Variants in SHISA9 observed in about 807,000 individuals in gnomAD.
SHISA9 encodes the protein shisa family member 9.
SHISA9 carries 13 observed loss-of-function variants against 38.0 expected under a neutral mutation model. The ratio of observed to expected loss-of-function variants is 0.34; its 90% confidence interval spans 0.22 to 0.54. The LOEUF (loss-of-function observed/expected upper bound fraction) is 0.54. Ranked by LOEUF, SHISA9 falls within the 20% of genes least tolerant of loss-of-function variation. The pLI, the probability that SHISA9 is intolerant of heterozygous loss-of-function variation, is 0.91. For missense variants in SHISA9, 538 were observed against 575.8 expected (o/e 0.93, Z 0.67); for synonymous variants, 275 against 242.0 (o/e 1.14, Z -1.27).
intron 2 of SHISA9, among the ~76,000 whole-genome samples, chr16:13,081,776 C>T (rs1275431254): frequency 1.3e-5 from 2 of 150,288 alleles, no homozygotes; most frequent in East Asian, 3.9e-4. Context: ...TGCTTGAACC[C>T]GGGAGGCAGA....
chr16:12,983,912 G>A (rs564438804), intron 2 of SHISA9, among the ~76,000 whole-genome samples: 2 of 152,312 alleles, frequency 1.3e-5, no homozygotes, highest in South Asian at 4.1e-4. Context: ...ATCACCAAAT[G>A]CTATGTGATT....
chr16:13,190,518 C>T (rs1040549816), intron 2 of SHISA9, among the ~76,000 whole-genome samples: 16 of 152,330 alleles, frequency 1.1e-4, no homozygotes, highest in East Asian at 1.9e-4. Context: ...TTGCAGAATA[C>T]AGATGAGCAA....
chr16:13,435,530 G>C, the SHISA9 span, among the ~76,000 whole-genome samples: 1 of 152,288 alleles, frequency 6.6e-6, no homozygotes, highest in East Asian at 1.9e-4. Flanking sequence ...ACTGGAAAAG[G>C]CACTTTTCAA....
chr16:13,011,420 C>T lies in SHISA9; in HGVS notation c.691+94605C>T, dbSNP rs185227164. On this transcript the variant is annotated intron_variant, in intron 2 of 4. Transcript: ENST00000558583. ...GTAACCACAGTTCTCATGTTTAGAT[C>T]TCTAGACTTGCTCATCCTACATATC... Among the ~76,000 whole-genome samples the T allele has an allele frequency of 3.6e-3, 529 of 147,720 alleles. 5 individuals are homozygous for T. The highest frequency in any genetic ancestry group is 0.012 in the African/African-American group (493 of 40,236).
At chr16:13,083,800 G>A (rs2073680788) in intron 2 of SHISA9, among the ~76,000 whole-genome samples, 1 of 152,166 alleles carries the variant, frequency 6.6e-6, no homozygotes, top group South Asian at 2.1e-4. Context: ...CATAGACGAA[G>A]GTGGCTGTGA....
intron 4 of SHISA9, among the ~76,000 whole-genome samples, chr16:13,224,162 T>C (rs2051256501): frequency 6.6e-6 from 1 of 152,212 alleles, no homozygotes; most frequent in Non-Finnish European, 1.5e-5. Flanking sequence ...ATTACTCAGT[T>C]TGCCATTGAC....
the SHISA9 span, among the ~76,000 whole-genome samples, chr16:13,533,886 C>T: frequency 6.6e-6 from 1 of 150,836 alleles, no homozygotes; most frequent in East Asian, 2.0e-4. Context: ...CAGGTTCACA[C>T]CATTCTCCTG....
At chr16:12,938,549 G>A (rs2071565284) in intron 2 of SHISA9, among the ~76,000 whole-genome samples, 1 of 152,030 alleles carries the variant, frequency 6.6e-6, no homozygotes, top group South Asian at 2.1e-4. Context: ...CCAGGTTGGA[G>A]TGCAATGGCA....
At chr16:13,328,293 A>G in the SHISA9 span, among the ~76,000 whole-genome samples, 4 of 151,880 alleles carry the variant, frequency 2.6e-5, no homozygotes, top group Non-Finnish European at 5.9e-5. Flanking sequence ...GTTAGAGTCT[A>G]TTTTCGCCCT....
the SHISA9 span, among the ~76,000 whole-genome samples, chr16:13,395,396 G>C: frequency 6.6e-6 from 1 of 152,254 alleles, no homozygotes; most frequent in African/African-American, 2.4e-5. Flanking sequence ...CATAGGGCAA[G>C]AGTCTATGCA....
chr16:13,199,203 A>G (rs981867254), intron 2 of SHISA9, among the ~76,000 whole-genome samples: 5 of 152,208 alleles, frequency 3.3e-5, no homozygotes, highest in Non-Finnish European at 5.9e-5. Context: ...ACTGGAGGAT[A>G]ATAGGCTTTG....
the SHISA9 span, among the ~76,000 whole-genome samples, chr16:13,388,365 G>T: frequency 8.0e-5 from 12 of 150,516 alleles, no homozygotes; most frequent in East Asian, 5.9e-4. Context: ...GGGCTGGAGT[G>T]CAGTGGCTCA....
chr16:13,327,343 C>T, the SHISA9 span, among the ~76,000 whole-genome samples: 8 of 152,220 alleles, frequency 5.3e-5, no homozygotes, highest in South Asian at 4.2e-4. Context: ...TAGCCACGTG[C>T]GGTGTCTCAT....
At chr16:13,265,637 C>T in the SHISA9 span, among the ~76,000 whole-genome samples, 1 of 142,364 alleles carries the variant, frequency 7.0e-6, no homozygotes, top group Admixed American at 7.4e-5. Context: ...CTTCTCTTCT[C>T]TCCTCTCCTC....
the SHISA9 span, among the ~76,000 whole-genome samples, chr16:13,371,880 A>G: frequency 2.0e-5 from 3 of 152,192 alleles, no homozygotes; most frequent in Admixed American, 6.5e-5. Context: ...CTTTCAGATA[A>G]TCAAGACCAG....
chr16:12,939,246 G>T (rs1454040982), intron 2 of SHISA9, among the ~76,000 whole-genome samples: 2 of 151,818 alleles, frequency 1.3e-5, no homozygotes, highest in Non-Finnish European at 2.9e-5. Flanking sequence ...ACCACGCCTG[G>T]CTAATTTTTG....
At chr16:12,972,179 C>G (rs187552140) in intron 2 of SHISA9, among the ~76,000 whole-genome samples, 51 of 151,996 alleles carry the variant, frequency 3.4e-4, no homozygotes, top group African/African-American at 1.2e-3. Context: ...TGGTTGTAAG[C>G]ACTCACATTT....
the SHISA9 span, among the ~76,000 whole-genome samples, chr16:13,428,765 G>GTTTTTTTTTT: frequency 1.3e-5 from 1 of 79,358 alleles, no homozygotes; most frequent in Non-Finnish European, 2.7e-5. Context: ...TTATTTTATT[G>GTTTTTTTTTT]TTTTATTGTT....
the SHISA9 span, among the ~76,000 whole-genome samples, chr16:13,324,882 G>C: frequency 1.3e-5 from 2 of 152,200 alleles, no homozygotes; most frequent in Admixed American, 1.3e-4. Context: ...TCAGAAGGCA[G>C]GATATCTCAA....
Sources: allele counts gnomAD v4.1 joint callset (sites outside exome capture counted in the v4.1 genomes callset), GRCh38; gene constraint gnomAD v4.1.1; transcripts MANE v1.5; gene names NCBI Gene and HGNC (gene_info 2026-07-23, HGNC 2026-07-21).